Variants in CLIC4 observed in about 807,000 individuals in gnomAD.
CLIC4 encodes the protein CLIC family member 4.
Under a neutral mutation model 24.6 loss-of-function variants are expected in CLIC4, and 13 were observed. That is an observed-to-expected ratio of 0.53 (90% CI 0.34 to 0.84). CLIC4 has a LOEUF of 0.84. Ranked by LOEUF, CLIC4 falls within the 40% of genes least tolerant of loss-of-function variation. The probability of loss-of-function intolerance (pLI) is 0.01; values close to 1 mark genes in which losing one functional copy is unlikely to be tolerated. For missense variants in CLIC4, 227 were observed against 301.7 expected (o/e 0.75, Z 1.83); for synonymous variants, 104 against 111.3 (o/e 0.93, Z 0.41).
intron 1 of CLIC4, among the ~76,000 whole-genome samples, chr1:24,789,274 T>C (rs1164163745): frequency 2.0e-5 from 3 of 152,338 alleles, no homozygotes; most frequent in African/African-American, 7.2e-5. Flanking sequence ...TCCCAGCACT[T>C]TGGGAGACCG....
intron 4 of CLIC4, among the ~76,000 whole-genome samples, chr1:24,828,364 T>A (rs1251902882): frequency 6.6e-6 from 1 of 151,718 alleles, no homozygotes; most frequent in Non-Finnish European, 1.5e-5. Context: ...CTTTAGTAAT[T>A]GGCTTTTTTT....
rs189977680 is a variant in CLIC4, at chr1:24,773,466, A to G, written c.73-24276A>G. Among the ~76,000 whole-genome samples the G allele has an allele frequency of 5.0e-3, 753 of 152,116 alleles. 4 individuals carry two copies. Among genetic ancestry groups the G allele is most frequent in the Admixed American group, 8.8e-3 (134 of 15,282 alleles). ...TTTGACTTGCAGAAGCATTTCACCT[A>G]TGTCCCAACATAGTTGTCTTTAGTT... On this transcript the variant is annotated intron_variant, in intron 1 of 5. Transcript: ENST00000374379.
chr1:24,790,260 C>T (rs191765976), intron 1 of CLIC4, among the ~76,000 whole-genome samples: 46 of 152,050 alleles, frequency 3.0e-4, no homozygotes, highest in African/African-American at 1.0e-3. Flanking sequence ...TTGGTAGAGA[C>T]GGGGTTTCAC....
rs956416664 is a variant in CLIC4, at chr1:24,841,074, C to T, written c.*137C>T. ...ATTGAAGATTAGGATCAAGGATAGA[C>T]AAGGTATAGTAGTTATCTTAAAATA... On this transcript the variant is annotated 3_prime_UTR_variant, in exon 6 of 6. Coordinates refer to ENST00000374379, the MANE Select transcript of CLIC4 (RefSeq NM_013943.3). 6 of 678,972 alleles carry T rather than the reference C, an allele frequency of 8.8e-6. No individual in the cohort carries two copies. The African/African-American group carries it at 1.1e-4, about 13-fold the overall frequency. The allele number at this position is 678,972 out of a possible 1,614,324, so 42.1% of individuals were successfully genotyped here. A position where few individuals can be genotyped will look rare whatever the true frequency, so the allele number is the denominator to read the frequency against.
chr1:24,782,542 A>G (rs1314547174), intron 1 of CLIC4, among the ~76,000 whole-genome samples: 1 of 152,206 alleles, frequency 6.6e-6, no homozygotes, highest in Non-Finnish European at 1.5e-5. Context: ...AAAGATTGAT[A>G]TCTATCTGCT....
chr1:24,820,267 CTTTT>C (rs372726009), intron 3 of CLIC4, among the ~76,000 whole-genome samples: 2 of 49,760 alleles, frequency 4.0e-5, no homozygotes, highest in Admixed American at 4.0e-4. Flanking sequence ...CCTTTTTGGT[CTTTT>C]TTTTTTTTTT....
chr1:24,758,462 AT>A (rs752850033), intron 1 of CLIC4, among the ~76,000 whole-genome samples: 153 of 143,604 alleles, frequency 1.1e-3, no homozygotes, highest in Non-Finnish European at 1.1e-3. Flanking sequence ...CACCCAGATA[AT>A]TTTTTTTTTT....
At chr1:24,758,261 C>T (rs188967217) in intron 1 of CLIC4, among the ~76,000 whole-genome samples, 3 of 151,526 alleles carry the variant, frequency 2.0e-5, no homozygotes, top group East Asian at 3.9e-4. Context: ...ATAAAAATTA[C>T]TTATAACCCC....
At chr1:24,784,527 T>TTA (rs1271250208) in intron 1 of CLIC4, among the ~76,000 whole-genome samples, 1 of 152,204 alleles carries the variant, frequency 6.6e-6, no homozygotes, top group African/African-American at 2.4e-5. Context: ...AGTGAAGTCT[T>TTA]AATAGTCTGT....
At chr1:24,773,518 T>C (rs1282099256) in intron 1 of CLIC4, among the ~76,000 whole-genome samples, 2 of 151,924 alleles carry the variant, frequency 1.3e-5, no homozygotes, top group Non-Finnish European at 2.9e-5. Context: ...CCCTGGCAGT[T>C]AGTGAATTTA....
At chr1:24,775,232 T>C (rs1227619861) in intron 1 of CLIC4, among the ~76,000 whole-genome samples, 2 of 145,998 alleles carry the variant, frequency 1.4e-5, no homozygotes, top group African/African-American at 2.6e-5. Context: ...TTCTTTTTTT[T>C]TTTTTTTTTT....
At chr1:24,749,345 T>A (rs1321187579) in intron 1 of CLIC4, among the ~76,000 whole-genome samples, 1 of 152,202 alleles carries the variant, frequency 6.6e-6, no homozygotes, top group Non-Finnish European at 1.5e-5. Context: ...CTATTTACAG[T>A]TGAAGCACAT....
chr1:24,796,046 A>G (rs2124129656), intron 1 of CLIC4, among the ~76,000 whole-genome samples: 1 of 152,324 alleles, frequency 6.6e-6, no homozygotes, highest in South Asian at 2.1e-4. Context: ...ACCCCCTAGG[A>G]ATTACTGTTC....
At chr1:24,791,075 C>T (rs566975923) in intron 1 of CLIC4, among the ~76,000 whole-genome samples, 1 of 152,098 alleles carries the variant, frequency 6.6e-6, no homozygotes, top group East Asian at 1.9e-4. Flanking sequence ...ATTAATGGTT[C>T]AAGGGTAAGG....
chr1:24,825,718 A>G (rs1055102775), intron 3 of CLIC4, among the ~76,000 whole-genome samples: 5 of 152,226 alleles, frequency 3.3e-5, no homozygotes, highest in South Asian at 2.1e-4. Context: ...TATTTAGAAG[A>G]TATATCTCTT....
chr1:24,836,682 A>T (rs58521331), intron 4 of CLIC4, among the ~76,000 whole-genome samples: 47,849 of 152,036 alleles, frequency 0.31, 7,745 homozygotes, highest in Middle Eastern at 0.51. Context: ...TACAAAAAAT[A>T]CAAAAATTTG....
intron 1 of CLIC4, among the ~76,000 whole-genome samples, chr1:24,753,610 A>G (rs184761651): frequency 1.3e-5 from 2 of 152,376 alleles, no homozygotes; most frequent in East Asian, 3.9e-4. Flanking sequence ...AGAAGGAACC[A>G]GGAGTGATTC....
intron 2 of CLIC4, among the ~76,000 whole-genome samples, chr1:24,801,142 C>G (rs1054956997): frequency 6.6e-6 from 1 of 151,718 alleles, no homozygotes; most frequent in Admixed American, 6.6e-5. Context: ...CCTCTTGATG[C>G]AAGTGTCACA....
intron 2 of CLIC4, among the ~76,000 whole-genome samples, chr1:24,807,778 C>T (rs1174072794): frequency 5.9e-5 from 9 of 151,886 alleles, no homozygotes; most frequent in South Asian, 2.1e-4. Flanking sequence ...TCTAATCTAC[C>T]GTGTTCTTAA....
Sources: allele counts gnomAD v4.1 joint callset (sites outside exome capture counted in the v4.1 genomes callset), GRCh38; gene constraint gnomAD v4.1.1; transcripts MANE v1.5; gene names NCBI Gene and HGNC (gene_info 2026-07-23, HGNC 2026-07-21).